SPTBN5: variants seen among roughly 807,000 people sequenced by gnomAD.
The protein encoded by SPTBN5 is spectrin beta, non-erythrocytic 5, also known as spectrin beta chain, non-erythrocytic 5.
SPTBN5 carries 513 observed loss-of-function variants against 477.6 expected under a neutral mutation model. The ratio of observed to expected loss-of-function variants is 1.07; its 90% CI spans 1.00 to 1.16. The LOEUF (loss-of-function observed/expected upper bound fraction) is 1.16. SPTBN5 is among the 50% of genes most tolerant of loss of function. The pLI, the probability that SPTBN5 is intolerant of heterozygous loss-of-function variation, is 0.00. For synonymous variants in SPTBN5, 2,169 were observed against 2,011.7 expected (o/e 1.08, Z -2.09); for missense variants, 5,062 against 4,731.8 (o/e 1.07, Z -2.05).
At chr15:41,849,773 G>T in intron 67 of SPTBN5, 96 bp downstream of exon 67, 1 of 959,650 alleles carries the variant, frequency 1.0e-6, no homozygotes, top group South Asian at 1.4e-5. Context: ...AACAGAGTAA[G>T]TCTGAGGCCC....
At chr15:41,884,705 C>T (rs2067090276) in intron 7 of SPTBN5, among the ~76,000 whole-genome samples, 1 of 152,130 alleles carries the variant, frequency 6.6e-6, no homozygotes, top group African/African-American at 2.4e-5. Context: ...GAGTAAAAGC[C>T]AAATCGTTAC....
chr15:41,876,030 ACT>A lies in SPTBN5; in HGVS notation c.4122+82_4122+83del, dbSNP rs535526876. ...GCTGAGGCTGATTTTTCCTTCAAAG[ACT>A]CTTCCATGAAAACAGGTGGTGCAGT... On this transcript the variant is annotated intron_variant, in intron 21 of 67. Coordinates refer to ENST00000320955, the MANE Select transcript of SPTBN5 (RefSeq NM_016642.4). 7.5e-4 allele frequency: 1,119 copies of A among 1,494,140 alleles called. 7 individuals are homozygous for A. In the African/African-American group the frequency reaches 0.013, roughly 18 times the overall value. 92.6% of individuals were successfully genotyped at this position (1,494,140 alleles called of 1,614,324 possible).
Position 41,853,332 on chromosome 15 carries a change from A to G in SPTBN5, c.10096T>C (p.Cys3366Arg), listed in dbSNP as rs1283287807. The G allele has an allele frequency of 3.1e-6, 5 of 1,612,126 alleles. No homozygotes were observed. Among genetic ancestry groups the G allele is most frequent in the Non-Finnish European group, 4.2e-6 (5 of 1,179,388 alleles). ...CGCAGGTCCTGGGCTTGAAGGCGGC[A>G]CTCCCTGATTTCTTGCCCCAGCTCT... The part of the protein sequence containing the change: ...HEELGQEIRE[C>R]RLQAQDLRQE... The change falls in exon 59 of 68, where the codon TGC (cysteine) becomes CGC (arginine). Residue 3366 changes from cysteine (C) to arginine (R), a missense_variant. Coordinates refer to ENST00000320955, the MANE Select transcript of SPTBN5 (RefSeq NM_016642.4).
intron 60 of SPTBN5, 40 bp from the exon 61 acceptor site, chr15:41,852,775 G>A (rs551394439): frequency 2.3e-5 from 37 of 1,611,310 alleles, no homozygotes; most frequent in Admixed American, 1.8e-4. Context: ...AGCTTGGGGG[G>A]GGGGGCCCAG....
intron 32 of SPTBN5, 41 bp downstream of exon 32, chr15:41,869,800 C>T: frequency 6.7e-7 from 1 of 1,499,102 alleles, no homozygotes; most frequent in Non-Finnish European, 8.8e-7. Flanking sequence ...GCAGCACACA[C>T]ACATGCACAC....
At chr15:41,888,987 G>A (rs560863753) in intron 4 of SPTBN5, among the ~76,000 whole-genome samples, 50 of 152,326 alleles carry the variant, frequency 3.3e-4, no homozygotes, top group South Asian at 3.1e-3. Context: ...GTGAGGGATC[G>A]GGGCTAGCCT....
At position 41,869,948 on chromosome 15, in the gene SPTBN5, G is replaced by T; in HGVS notation, c.5746C>A (p.Gln1916Lys). Residue 1916 changes from glutamine to lysine, a missense_variant, in exon 32 of 68, where the codon CAG becomes AAG. Transcript: ENST00000320955. ...GCCTGCGTCACAGCTTGCTGCCTCT[G>T]CTGCACCGCATGGGCCTGAGGCCCC... The part of the protein sequence containing the change: ...CPGPQAHAVQ[Q>K]RQQAVTQAWA... The T allele has an allele frequency of 6.4e-7, 1 of 1,554,942 alleles. No individual in the cohort carries two copies.
rs774360960 is a variant in SPTBN5 at position 41,852,322 on chromosome 15, G to A, written c.10450-6C>T. 8.9e-6 allele frequency: 14 copies of A among 1,572,892 alleles called. No homozygotes were observed. Among genetic ancestry groups the A allele is most frequent in the Non-Finnish European group, 1.2e-5 (14 of 1,157,354 alleles). On this transcript the variant is annotated splice_region_variant and splice_polypyrimidine_tract_variant and intron_variant, in intron 61 of 67. Transcript: ENST00000320955. Reference sequence around the variant, plus strand: ...AGCAGGAGCTCCTGTTCCATCTTGGGGAGTGGGCAAGGTGGGCAAGGTGAG... The same window carrying A: ...AGCAGGAGCTCCTGTTCCATCTTGGAGAGTGGGCAAGGTGGGCAAGGTGAG...
rs777560200 is a variant in SPTBN5, at chr15:41,869,844, C to T, written c.5850G>A (p.Thr1950=). The change falls in exon 32 of 68, where the codon ACG becomes ACA. Residue 1950 remains threonine (T), a synonymous_variant. Coordinates refer to ENST00000320955, the MANE Select transcript of SPTBN5 (RefSeq NM_016642.4). The part of the protein sequence containing the change: ...ERARLLARFR[T]AVRDYASWAA... ...CCCAAAGGGCAGGAGCCCTCACCGC[C>T]GTGCGGAAGCGGGCCAGGAGGCGTG... The T allele has an allele frequency of 2.0e-5, 31 of 1,556,126 alleles. No individual in the cohort carries two copies. The highest frequency in any genetic ancestry group is 2.3e-4 in the Middle Eastern group (1 of 4,308).
intron 63 of SPTBN5, among the ~76,000 whole-genome samples, 195 bp downstream of exon 63, chr15:41,851,584 T>TGG (rs72299487): frequency 7.2e-5 from 9 of 124,380 alleles, no homozygotes; most frequent in Admixed American, 2.4e-4. Flanking sequence ...CACCTCCTGG[T>TGG]GGGGGTGGGT....
rs1163281277 is a variant in SPTBN5 at position 41,851,364 on chromosome 15, G to C, written c.10662C>G (p.Ser3554Arg). Reference protein sequence around the residue: ...QHLLPGGRQPSSSSWDSCRGN... With the variant: ...QHLLPGGRQPRSSSWDSCRGN... ...CGCGGCAGCTGTCCCAGGAGCTCGA[G>C]CTAGGCTGTGGAGAGGAGGCGGGAA... Residue 3554 changes from serine (S) to arginine (R), a missense_variant, in exon 64 of 68, where the codon AGC (serine) becomes AGG (arginine). Physicochemically the swap from Ser to Arg is moderately radical, Grantham distance 110. Coordinates refer to ENST00000320955, the MANE Select transcript of SPTBN5 (RefSeq NM_016642.4). 1.9e-6 allele frequency: 3 copies of C among 1,550,704 alleles called. No homozygotes were observed. The highest frequency in any genetic ancestry group is 2.6e-6 in the Non-Finnish European group (3 of 1,146,938).
At chr15:41,849,041 TCATGGTATGAGCCCTC>T (rs1365093048) in intron 67 of SPTBN5, among the ~76,000 whole-genome samples, 1 of 152,166 alleles carries the variant, frequency 6.6e-6, no homozygotes, top group Non-Finnish European at 1.5e-5. Context: ...CTGCCACCCC[TCATGGTATGAGCCCTC>T]CAGGCACACG....
At position 41,883,134 on chromosome 15, in the gene SPTBN5, T is replaced by C. The variant is rs1041269386; in HGVS notation, c.1754A>G (p.His585Arg). 3.7e-6 allele frequency: 6 copies of C among 1,612,472 alleles called. No homozygotes were observed. In the African/African-American group the frequency reaches 6.7e-5, roughly 18 times the overall value. The change falls in exon 9 of 68, where the codon CAC becomes CGC. Residue 585 changes from histidine (H) to arginine (R), a missense_variant. By Grantham distance (29) the His-to-Arg change is conservative (BLOSUM62 0). Transcript: ENST00000320955. Reference protein sequence around the residue: ...HDLLEAQVSAHGAHVSHLAQQ... With the variant: ...HDLLEAQVSARGAHVSHLAQQ... ...AGCAAGATGGCTCACATGGGCTCCG[T>C]GGGCCGAGACTTGAGCCTCCAGCAG...
chr15:41,871,439 C>T lies in SPTBN5; in HGVS notation c.5383G>A (p.Glu1795Lys), dbSNP rs969510012. The change falls in exon 29 of 68, where the codon GAG becomes AAG. Residue 1795 changes from glutamate (E) to lysine (K), a missense_variant. Coordinates refer to ENST00000320955, the MANE Select transcript of SPTBN5 (RefSeq NM_016642.4). Reference sequence around the variant, plus strand: ...CTGTGCCCACGCTCTAGCAGGCTCTCCGCCAGCAGCCGGCAGGCGGCCACC... The same window carrying T: ...CTGTGCCCACGCTCTAGCAGGCTCTTCGCCAGCAGCCGGCAGGCGGCCACC... The part of the protein sequence containing the change: ...QRVAACRLLA[E>K]SLLERGHSAG... The T allele has an allele frequency of 6.5e-7, 1 of 1,542,280 alleles. No homozygotes were observed. The highest frequency in any genetic ancestry group is 1.4e-5 in the African/African-American group (1 of 72,710).
In SPTBN5 at chr15:41,853,796, A is replaced by G. The variant is rs2065851950; in HGVS notation, c.9775-9T>C. On this transcript the variant is annotated splice_polypyrimidine_tract_variant and intron_variant, in intron 57 of 67. Coordinates refer to ENST00000320955, the MANE Select transcript of SPTBN5 (RefSeq NM_016642.4). Reference sequence around the variant, plus strand: ...ATAGCTTCCAGCTCTCTCTGCAACCAGAGCATGAGATCAGGCCTCAGTCCC... The same window carrying G: ...ATAGCTTCCAGCTCTCTCTGCAACCGGAGCATGAGATCAGGCCTCAGTCCC... 6.5e-7 allele frequency: 1 copy of G among 1,550,278 alleles called. No individual in the cohort carries two copies. Among genetic ancestry groups the G allele is most frequent in the Admixed American group, 1.9e-5 (1 of 52,130 alleles).
chr15:41,886,450 G>T, intron 6 of SPTBN5, 84 bp from the exon 7 acceptor site: 1 of 1,442,406 alleles, frequency 6.9e-7, no homozygotes, highest in African/African-American at 1.4e-5. Flanking sequence ...GAGTTCCCCA[G>T]GTGGGCTGTA....
At position 41,879,130 on chromosome 15, in the gene SPTBN5, C is replaced by T. The variant is rs551430061; in HGVS notation, c.3182+130G>A. On this transcript the variant is annotated intron_variant, in intron 16 of 67. Coordinates refer to ENST00000320955, the MANE Select transcript of SPTBN5 (RefSeq NM_016642.4). ...GACCATTTTCTCCTGATCATCCCCC[C>T]ATCTTTGCCACAGCCCTCCTACCTG... is the stretch of plus-strand genomic sequence containing the variant. 22 of 1,086,526 alleles carry T rather than the reference C, an allele frequency of 2.0e-5. No individual in the cohort carries two copies. The Middle Eastern group carries it at 9.1e-4, about 45-fold the overall frequency. The allele number at this position is 1,086,526 out of a possible 1,614,324, so 67.3% of individuals were successfully genotyped here.
intron 9 of SPTBN5, 44 bp from the exon 10 acceptor site, chr15:41,882,782 G>C (rs373019512): frequency 1.9e-6 from 3 of 1,584,290 alleles, no homozygotes; most frequent in African/African-American, 2.7e-5. Flanking sequence ...GGAGTCGTGA[G>C]GCATGGGCAG....
At chr15:41,861,344 G>A in intron 46 of SPTBN5, 75 bp downstream of exon 46, 2 of 1,333,132 alleles carry the variant, frequency 1.5e-6, no homozygotes. Flanking sequence ...GGGAGCTCAG[G>A]CAGCACTGGC....
Sources: allele counts gnomAD v4.1 joint callset (sites outside exome capture counted in the v4.1 genomes callset), GRCh38; gene constraint gnomAD v4.1.1; transcripts MANE v1.5; gene names NCBI Gene and HGNC (gene_info 2026-07-23, HGNC 2026-07-21).